Variants in TBC1D19 observed in about 807,000 individuals in gnomAD.
TBC1D19 encodes the protein TBC1 domain family member 19, also known as TBC1 domain family, member 19.
In TBC1D19, 60 loss-of-function variants were observed where a neutral mutation model predicts 89.0. That is an observed-to-expected ratio of 0.67 (90% CI 0.55 to 0.84). The LOEUF is 0.84. Ranked by LOEUF, TBC1D19 falls within the 40% of genes least tolerant of loss-of-function variation. TBC1D19 has a pLI of 0.00. For synonymous variants in TBC1D19, 189 were observed against 199.7 expected (o/e 0.95, Z 0.45); for missense variants, 500 against 610.8 (o/e 0.82, Z 1.91).
At chr4:26,684,130 A>G (rs1258468229) in intron 12 of TBC1D19, among the ~76,000 whole-genome samples, 1 of 152,066 alleles carries the variant, frequency 6.6e-6, no homozygotes, top group Non-Finnish European at 1.5e-5. Context: ...CTTTATATTG[A>G]AGTCATTTTT....
At chr4:26,584,033 G>A (rs1044817857), upstream of TBC1D19, 35 of 673,176 alleles carry the variant, frequency 5.2e-5, no homozygotes, top group Non-Finnish European at 7.6e-5. Flanking sequence ...ACCAGAGAGG[G>A]ACGGACACAA....
At chr4:26,643,864 A>G (rs1743721868) in intron 7 of TBC1D19, among the ~76,000 whole-genome samples, 1 of 152,144 alleles carries the variant, frequency 6.6e-6, no homozygotes, top group Non-Finnish European at 1.5e-5. Context: ...ACGCCCTCCC[A>G]AGACCAAACC....
rs559656970 is a variant in TBC1D19, at chr4:26,718,697, A to G, written c.1039+680A>G. The stretch of plus-strand genomic sequence containing the variant: ...CCTCCTACCCTAGGAGAGGCCACAT[A>G]ACCTTGTGCTGGATTTCAGCTACCC... On this transcript the variant is annotated intron_variant, in intron 14 of 20. Transcript: ENST00000264866. Among the ~76,000 whole-genome samples the G allele has an allele frequency of 3.3e-5, 5 of 152,184 alleles. 1 individual carries two copies. In the South Asian group the frequency reaches 1.0e-3, roughly 32 times the overall value.
chr4:26,780,610 A>C, the TBC1D19 span, among the ~76,000 whole-genome samples: 7 of 152,252 alleles, frequency 4.6e-5, no homozygotes, highest in Non-Finnish European at 1.0e-4. Flanking sequence ...GCAAGTAGCC[A>C]GCTACCCACA....
intron 13 of TBC1D19, among the ~76,000 whole-genome samples, chr4:26,696,266 C>T (rs1474159499): frequency 6.6e-6 from 1 of 152,120 alleles, no homozygotes; most frequent in African/African-American, 2.4e-5. Flanking sequence ...CAAAGAAGGC[C>T]ATTACATAAT....
intron 18 of TBC1D19, among the ~76,000 whole-genome samples, chr4:26,747,653 G>C (rs1345400363): frequency 6.6e-6 from 1 of 152,172 alleles, no homozygotes; most frequent in Non-Finnish European, 1.5e-5. Flanking sequence ...GATGCTAATA[G>C]ATAATACAGA....
Position 26,714,584 on chromosome 4 carries a change from C to T in TBC1D19, c.955-3349C>T, listed in dbSNP as rs191092001. 4.6e-5 allele frequency among the ~76,000 whole-genome samples: 7 copies of T among 151,990 alleles called. No homozygotes were observed. The East Asian group carries it at 5.8e-4, about 13-fold the overall frequency. On this transcript the variant is annotated intron_variant, in intron 13 of 20. Transcript: ENST00000264866. ...CACCAGTGGCAAATTCAGCATTTTG[C>T]GGACCTAAAGCTTATAAAATTTGGA...
intron 1 of TBC1D19, among the ~76,000 whole-genome samples, chr4:26,602,746 A>G (rs925602100): frequency 1.3e-5 from 2 of 151,736 alleles, no homozygotes; most frequent in Non-Finnish European, 2.9e-5. Context: ...AGCCAGCTCT[A>G]TTGTATTATT....
At chr4:26,778,020 G>A in the TBC1D19 span, among the ~76,000 whole-genome samples, 2 of 149,310 alleles carry the variant, frequency 1.3e-5, no homozygotes, top group African/African-American at 2.5e-5. Flanking sequence ...ATGCAGTTGC[G>A]TCTCAACCTG....
At chr4:26,653,242 A>G (rs865843736) in intron 7 of TBC1D19, among the ~76,000 whole-genome samples, 5 of 152,138 alleles carry the variant, frequency 3.3e-5, no homozygotes, top group South Asian at 2.1e-4. Context: ...ACAGTTTGTT[A>G]TGATTTCTGT....
At chr4:26,777,593 G>A in the TBC1D19 span, among the ~76,000 whole-genome samples, 19 of 152,086 alleles carry the variant, frequency 1.2e-4, no homozygotes, top group South Asian at 4.2e-4. Flanking sequence ...GATTACAGGC[G>A]TGTACCACCA....
At chr4:26,803,885 G>C in the TBC1D19 span, among the ~76,000 whole-genome samples, 2 of 134,180 alleles carry the variant, frequency 1.5e-5, no homozygotes, top group Admixed American at 8.1e-5. Flanking sequence ...TTTACTGCTG[G>C]TATATCTTGG....
chr4:26,811,451 G>A, the TBC1D19 span, among the ~76,000 whole-genome samples: 1 of 151,628 alleles, frequency 6.6e-6, no homozygotes, highest in African/African-American at 2.4e-5. Context: ...CATGAAGGAC[G>A]ATATAAGTGA....
chr4:26,587,504 G>A (rs1217421044), intron 1 of TBC1D19, among the ~76,000 whole-genome samples: 1 of 151,476 alleles, frequency 6.6e-6, no homozygotes, highest in East Asian at 1.9e-4. Flanking sequence ...TTGAACCTGG[G>A]TAGCAGAGGT....
chr4:26,824,391 C>T, the TBC1D19 span, among the ~76,000 whole-genome samples: 8 of 152,278 alleles, frequency 5.3e-5, no homozygotes, highest in African/African-American at 1.7e-4. Flanking sequence ...TATCTTTTCA[C>T]AGTAATATAT....
chr4:26,666,424 G>T lies in TBC1D19; in HGVS notation c.664+19G>T, dbSNP rs376524415. 1.3e-6 allele frequency: 2 copies of T among 1,594,602 alleles called. No individual in the cohort carries two copies. The highest frequency in any genetic ancestry group is 2.2e-5 in the East Asian group (1 of 44,606). ...CCTCCTGGTTAGTATTTTTCCAACG[G>T]CATATAATTAATGATAAATGAGAGT... On this transcript the variant is annotated intron_variant, in intron 9 of 20. Transcript: ENST00000264866.
At chr4:26,852,233 C>A in the TBC1D19 span, among the ~76,000 whole-genome samples, 4 of 152,212 alleles carry the variant, frequency 2.6e-5, no homozygotes, top group African/African-American at 9.7e-5. Context: ...ACTTTCTCCT[C>A]TCACACGATG....
chr4:26,698,840 T>C (rs545103028), intron 13 of TBC1D19, among the ~76,000 whole-genome samples: 99 of 152,312 alleles, frequency 6.5e-4, no homozygotes, highest in African/African-American at 2.3e-3. Context: ...ATCCCTTCCT[T>C]ACACCTTATA....
intron 1 of TBC1D19, among the ~76,000 whole-genome samples, chr4:26,607,540 T>C (rs1741089020): frequency 6.6e-6 from 1 of 152,140 alleles, no homozygotes; most frequent in South Asian, 2.1e-4. Context: ...GGCTGAGAGG[T>C]GATTCCAGAT....
Sources: allele counts gnomAD v4.1 joint callset (sites outside exome capture counted in the v4.1 genomes callset), GRCh38; gene constraint gnomAD v4.1.1; transcripts MANE v1.5; gene names NCBI Gene and HGNC (gene_info 2026-07-23, HGNC 2026-07-21).